Variants in ESPN observed in about 807,000 individuals in gnomAD.
The protein encoded by ESPN is autosomal recessive deafness type 36 protein.
In ESPN, 68 loss-of-function variants were observed where a neutral mutation model predicts 77.7. The ratio of observed to expected loss-of-function variants is 0.87; its 90% CI spans 0.72 to 1.07. The LOEUF is 1.07. Among genes scored for constraint, ESPN ranks in the 50% least tolerant of loss-of-function variants. ESPN has a pLI of 0.00. For synonymous variants in ESPN, 449 were observed against 567.1 expected (o/e 0.79, Z 2.96); for missense variants, 1,060 against 1,239.0 (o/e 0.86, Z 2.17).
chr1:6,455,356 G>A (rs1025841961), intron 10 of ESPN: 5 of 384,804 alleles, frequency 1.3e-5, no homozygotes, highest in Non-Finnish European at 2.3e-5. Flanking sequence ...GCGCGCCTAC[G>A]CGGACTGCTG....
intron 2 of ESPN, among the ~76,000 whole-genome samples, chr1:6,433,466 G>A (rs1382097376): frequency 6.6e-6 from 1 of 152,072 alleles, no homozygotes; most frequent in Non-Finnish European, 1.5e-5. Context: ...AGTTAGCCGG[G>A]TGTGGTGGTT....
At chr1:6,456,907 G>C (rs1644066868) in intron 10 of ESPN, among the ~76,000 whole-genome samples, 1 of 152,212 alleles carries the variant, frequency 6.6e-6, no homozygotes, top group Non-Finnish European at 1.5e-5. Context: ...CGGGGAATCA[G>C]GCTCAGGACC....
At chr1:6,441,168 G>A (rs3817907) in intron 5 of ESPN, 103 bp downstream of exon 5, 3 of 1,492,114 alleles carry the variant, frequency 2.0e-6, no homozygotes, top group Admixed American at 3.9e-5. Context: ...TGAGGTTCAG[G>A]GACGTGAAGC....
chr1:6,431,838 G>A (rs888237384), intron 2 of ESPN, among the ~76,000 whole-genome samples: 2 of 152,136 alleles, frequency 1.3e-5, no homozygotes, highest in African/African-American at 4.8e-5. Context: ...TGTTTATTGA[G>A]CATCTTCTAT....
rs1183183306 is a variant in ESPN, at chr1:6,447,006, C to T, written c.1464+1071C>T. ...TTCATCTCTGGGAGGCAGAGGGGGC[C>T]CTGGAATCGCTGAGTTCCCAACGCA... On this transcript the variant is annotated intron_variant, in intron 7 of 12. Transcript: ENST00000645284. This position sits in a 1 kb window ranked among gnomAD's most constrained non-coding sequence, Gnocchi z 5.2. 1 of 152,336 alleles carries T rather than the reference C, an allele frequency of 6.6e-6. No individual in the cohort carries two copies. The highest frequency in any genetic ancestry group is 2.4e-5 in the African/African-American group (1 of 41,444). 9.4% of individuals were successfully genotyped at this position (152,336 alleles called of 1,614,324 possible).
Position 6,434,744 on chromosome 1 carries a change from A to C in ESPN, c.489-5510A>C, listed in dbSNP as rs574226667. Among the ~76,000 whole-genome samples, 17 of 152,314 alleles carry C rather than the reference A, an allele frequency of 1.1e-4. No homozygotes were observed. The East Asian group carries it at 1.2e-3, about 10-fold the overall frequency. ...ATCCATGTGTGTATGGGTCTGAGGAATAGGAGAACAAGATAATTCAGGAGT... is the reference window on the plus strand; with the variant it reads ...ATCCATGTGTGTATGGGTCTGAGGACTAGGAGAACAAGATAATTCAGGAGT... On this transcript the variant is annotated intron_variant, in intron 2 of 12. Transcript: ENST00000645284.
intron 2 of ESPN, chr1:6,429,957 C>A (rs1362571124): frequency 1.3e-5 from 2 of 153,976 alleles, no homozygotes; most frequent in African/African-American, 4.8e-5. Flanking sequence ...CCCACAGCAG[C>A]ATGTGACTCG....
chr1:6,456,066 G>A, intron 10 of ESPN: 1 of 393,952 alleles, frequency 2.5e-6, no homozygotes, highest in East Asian at 3.6e-5. Context: ...TCCTGGTTCC[G>A]AAGCCCCCGC....
At chr1:6,443,878 C>G (rs1291577668) in intron 5 of ESPN, among the ~76,000 whole-genome samples, 1 of 152,150 alleles carries the variant, frequency 6.6e-6, no homozygotes, top group East Asian at 1.9e-4. Flanking sequence ...ACCACAGCCC[C>G]GTCTGCACCG....
intron 2 of ESPN, among the ~76,000 whole-genome samples, chr1:6,435,888 G>A (rs1028013493): frequency 1.3e-5 from 2 of 152,230 alleles, no homozygotes; most frequent in Non-Finnish European, 2.9e-5. Flanking sequence ...CAGGCACTCC[G>A]CATGAGGTCA....
intron 2 of ESPN, among the ~76,000 whole-genome samples, 194 bp from the exon 3 acceptor site, chr1:6,440,060 G>A (rs1384245777): frequency 6.6e-6 from 1 of 151,934 alleles, no homozygotes; most frequent in African/African-American, 2.4e-5. Flanking sequence ...GACGCCCTCA[G>A]GGACCTCTGA....
At chr1:6,435,333 C>T (rs1460175273) in intron 2 of ESPN, among the ~76,000 whole-genome samples, 1 of 130,214 alleles carries the variant, frequency 7.7e-6, no homozygotes, top group Non-Finnish European at 1.8e-5. Context: ...CGGGTCTGGC[C>T]CCATGGGCAG....
chr1:6,439,999 A>C (rs772479761), intron 2 of ESPN, among the ~76,000 whole-genome samples: 7 of 147,442 alleles, frequency 4.7e-5, no homozygotes, highest in Non-Finnish European at 1.0e-4. Context: ...ACAGAGCTAG[A>C]CTTCTTCTCA....
chr1:6,444,738 G>C, intron 6 of ESPN, 56 bp downstream of exon 6: 1 of 1,599,224 alleles, frequency 6.3e-7, no homozygotes, highest in Non-Finnish European at 8.6e-7. Context: ...CCAGACTGCT[G>C]GGCTGTGAGG....
At chr1:6,455,352 C>A (rs1477195632) in intron 10 of ESPN, 5 of 385,136 alleles carry the variant, frequency 1.3e-5, no homozygotes, top group Non-Finnish European at 2.3e-5. Context: ...CCAGGCGCGC[C>A]TACGCGGACT....
Position 6,444,487 on chromosome 1 carries a change from G to C in ESPN, c.997G>C (p.Glu333Gln). The change falls in exon 6 of 13, where the codon GAG (glutamate) becomes CAG (glutamine). Residue 333 changes from glutamate to glutamine, a missense_variant. Coordinates refer to ENST00000645284, the MANE Select transcript of ESPN (RefSeq NM_031475.3). ...CTCCCTGCCTCCCCTTCAGAGCGTGGAGCACCGCGTGCTTTCCCGGGATCC... is the reference window on the plus strand; with the variant it reads ...CTCCCTGCCTCCCCTTCAGAGCGTGCAGCACCGCGTGCTTTCCCGGGATCC... ...YLRTVENLSV[E>Q]HRVLSRDPSA... 1 of 1,614,170 alleles carries C rather than the reference G, an allele frequency of 6.2e-7. No homozygotes were observed. The highest frequency in any genetic ancestry group is 1.3e-5 in the African/African-American group (1 of 75,038).
intron 10 of ESPN, 50 bp downstream of exon 10, chr1:6,452,146 A>C: frequency 6.7e-7 from 1 of 1,500,944 alleles, no homozygotes; most frequent in Non-Finnish European, 8.9e-7. Context: ...ATCTGGATGC[A>C]CAGCCCATCC....
Position 6,448,600 on chromosome 1 carries a change from G to A in ESPN, c.1465-41G>A, listed in dbSNP as rs1274567833. 3.9e-6 allele frequency: 6 copies of A among 1,526,310 alleles called. No homozygotes were observed. In the African/African-American group the frequency reaches 5.6e-5, roughly 14 times the overall value. The allele number at this position is 1,526,310 out of a possible 1,614,324, so 94.5% of individuals were successfully genotyped here. On this transcript the variant is annotated intron_variant, in intron 7 of 12. Transcript: ENST00000645284. ...TGGGGAGGCGTGGGGGGCGCCTACC[G>A]GGCAGGTGCCCGAGCCCCACCGGTC...
At position 6,451,688 on chromosome 1, in the gene ESPN, G is replaced by T; in HGVS notation, c.2001G>T (p.Pro667=). Residue 667 remains proline (P), a synonymous_variant, in exon 9 of 13, where the codon CCG becomes CCT. Transcript: ENST00000645284. The surrounding 1 kb of genome is among the most constrained non-coding windows in gnomAD (Gnocchi z 4.3). ...TTAAGGCAGGCAAGAGCCTGAAGCC[G>T]ACGCCCCAGAGCAAGGGGCTGACCA... The part of the protein sequence containing the change: ...AEIKAGKSLK[P]TPQSKGLTTV... 1 of 1,613,110 alleles carries T rather than the reference G, an allele frequency of 6.2e-7. No homozygotes were observed.
Sources: gnomAD v4.1 joint callset for allele counts (sites outside exome capture counted in the v4.1 genomes callset) on GRCh38, gnomAD v4.1.1 for gene constraint, Gnocchi (gnomAD v3.1) non-coding constraint, MANE v1.5 for transcripts, NCBI Gene and HGNC (gene_info 2026-07-23, HGNC 2026-07-21) for gene names.